TMEM59L: variants seen among roughly 807,000 people sequenced by gnomAD.
TMEM59L encodes the protein transmembrane protein 59 like.
In TMEM59L, 31 loss-of-function variants were observed where a neutral mutation model predicts 39.6. The observed-to-expected ratio is 0.78, with a 90% CI of 0.59 to 1.06. The LOEUF (loss-of-function observed/expected upper bound fraction) is 1.06, where lower values mean the gene tolerates loss of function less well. Among genes scored for constraint, TMEM59L ranks in the 50% least tolerant of loss-of-function variants. The pLI, the probability that TMEM59L is intolerant of heterozygous loss-of-function variation, is 0.00. For missense variants in TMEM59L, 441 were observed against 451.3 expected, an observed-to-expected ratio of 0.98 and a Z score of 0.21; for synonymous variants, 219 against 202.9, an observed-to-expected ratio of 1.08 and a Z score of -0.68.
chr19:18,616,061 G>A lies in TMEM59L; in HGVS notation c.495G>A (p.Gln165=). 2 of 1,614,156 alleles carry A rather than the reference G, an allele frequency of 1.2e-6. No individual in the cohort carries two copies. The highest frequency in any genetic ancestry group is 2.2e-5 in the South Asian group (2 of 91,084). The change falls in exon 4 of 8, where the codon CAG becomes CAA. Residue 165 remains glutamine (Q), a synonymous_variant. Coordinates refer to ENST00000262817, the MANE Select transcript of TMEM59L (RefSeq NM_012109.3). ...GCAATGACCTTGTCAACTCAGCCCAGGGATTTGTCTCCTCCACCTGGACAT... is the reference window on the plus strand; with the variant it reads ...GCAATGACCTTGTCAACTCAGCCCAAGGATTTGTCTCCTCCACCTGGACAT... ...TLCNDLVNSA[Q]GFVSSTWTYY...
rs765831156 is a variant in TMEM59L, at chr19:18,613,036, G to T, written c.78G>T (p.Pro26=). The change falls in exon 1 of 8, where the codon CCG becomes CCT. Residue 26 remains proline, a synonymous_variant. Transcript: ENST00000262817. The stretch of plus-strand genomic sequence containing the variant: ...CGTCGCCGCCCGCCGCCTCCGCGCC[G>T]TCCGCCCGCGATCCCTTCGCCCCCC... The part of the protein sequence containing the change: ...LLASPPAASA[P]SARDPFAPQL... The T allele has an allele frequency of 3.2e-4, 451 of 1,392,142 alleles. No homozygotes were observed. Among genetic ancestry groups the T allele is most frequent in the Non-Finnish European group, 3.8e-4 (409 of 1,075,038 alleles). 86.2% of individuals were successfully genotyped at this position (1,392,142 alleles called of 1,614,324 possible).
Position 18,620,642 on chromosome 19 carries a change from A to G in TMEM59L, c.*106A>G. On this transcript the variant is annotated 3_prime_UTR_variant, in exon 8 of 8. Coordinates refer to ENST00000262817, the MANE Select transcript of TMEM59L (RefSeq NM_012109.3). ...GGTGGGTCCAGCCTTGAGCCCCTCC[A>G]CCCCCAAATCCTTCCTCTCCTCCCA... 7.2e-7 allele frequency: 1 copy of G among 1,395,236 alleles called. No homozygotes were observed. The highest frequency in any genetic ancestry group is 1.6e-5 in the South Asian group (1 of 63,068). 86.4% of individuals were successfully genotyped at this position (1,395,236 alleles called of 1,614,324 possible). A position where few individuals can be genotyped will look rare whatever the true frequency, so the allele number is the denominator to read the frequency against.
At position 18,617,013 on chromosome 19, in the gene TMEM59L, T is replaced by C. The variant is rs1976434811; in HGVS notation, c.575T>C (p.Val192Ala). The C allele has an allele frequency of 1.2e-6, 2 of 1,611,194 alleles. No individual in the cohort carries two copies. The highest frequency in any genetic ancestry group is 1.3e-5 in the African/African-American group (1 of 74,876). The change falls in exon 5 of 8, where the codon GTG (valine) becomes GCG (alanine). Residue 192 changes from valine to alanine, a missense_variant. Val to Ala is a moderately conservative substitution (Grantham distance 64). Coordinates refer to ENST00000262817, the MANE Select transcript of TMEM59L (RefSeq NM_012109.3). ...KVVVFQTQPI[V>A]ESLGFQGGRL... ...TTCCTGGCCCAGACTCAGCCCATAG[T>C]GGAGAGCCTCGGCTTCCAGGGGGGC...
In TMEM59L at chr19:18,614,091, C is replaced by T. The variant is rs1568446183; in HGVS notation, c.317-13C>T. The T allele has an allele frequency of 6.2e-7, 1 of 1,612,372 alleles. No individual in the cohort carries two copies. The highest frequency in any genetic ancestry group is 8.5e-7 in the Non-Finnish European group (1 of 1,179,740). On this transcript the variant is annotated splice_polypyrimidine_tract_variant and intron_variant, in intron 2 of 7. Coordinates refer to ENST00000262817, the MANE Select transcript of TMEM59L (RefSeq NM_012109.3). ...AAGGGCCGTCCCCAGTCACCCGCTC[C>T]CACCTCCCACAGCCTGCGTGGAAGC...
chr19:18,619,555 A>G (rs1976470307), intron 7 of TMEM59L, among the ~76,000 whole-genome samples: 1 of 152,188 alleles, frequency 6.6e-6, no homozygotes, highest in South Asian at 2.1e-4. Context: ...CTGTAATCCC[A>G]GCACTTTGGG....
At position 18,618,990 on chromosome 19, in the gene TMEM59L, C is replaced by T. The variant is rs149684237; in HGVS notation, c.900+498C>T. Among the ~76,000 whole-genome samples the T allele has an allele frequency of 7.3e-3, 1,113 of 151,594 alleles. 8 individuals are homozygous for T. The highest frequency in any genetic ancestry group is 0.01 in the Non-Finnish European group (688 of 67,896). ...GATTACAGGCGTGACCCACCGCGCC[C>T]GGCCTATATATATATTTTTGAGACA... On this transcript the variant is annotated intron_variant, in intron 7 of 7. Transcript: ENST00000262817.
chr19:18,618,160 G>A lies in TMEM59L; in HGVS notation c.670G>A (p.Val224Ile), dbSNP rs1568447333. The A allele has an allele frequency of 7.4e-6, 12 of 1,613,760 alleles. No individual in the cohort carries two copies. Among genetic ancestry groups the A allele is most frequent in the Middle Eastern group, 1.6e-4 (1 of 6,062 alleles). ...PEALEVHVDP[V>I]GPLDKVRKAK... ...AGTGGCAGCTGATCTCTCAGACCCT[G>A]TAGGCCCCCTGGACAAGGTGAGGAA... The change falls in exon 6 of 8, where the codon GTA becomes ATA. Residue 224 changes from valine (V) to isoleucine (I), a missense_variant. By Grantham distance (29) the Val-to-Ile change is conservative. Transcript: ENST00000262817.
At chr19:18,613,411 C>A (rs1308031826) in intron 1 of TMEM59L, among the ~76,000 whole-genome samples, 1 of 151,982 alleles carries the variant, frequency 6.6e-6, no homozygotes, top group East Asian at 1.9e-4. Context: ...GCACCCAACC[C>A]CCAGCTCCCT....
Position 18,620,410 on chromosome 19 carries a change from T to C in TMEM59L, c.903T>C (p.Pro301=). The C allele has an allele frequency of 6.2e-7, 1 of 1,611,374 alleles. No homozygotes were observed. Among genetic ancestry groups the C allele is most frequent in the Non-Finnish European group, 8.5e-7 (1 of 1,179,020 alleles). Residue 301 remains proline, a splice_region_variant and synonymous_variant, in exon 8 of 8, where the codon CCT becomes CCC. Transcript: ENST00000262817. ...CCTCCTCCCCTCTCTTCCTGCAGCC[T>C]CTGACCCTGGAGCAGCACAAGGGCT... ...TAPGQHLKFQ[P]LTLEQHKGFM...
At chr19:18,615,909 C>A in intron 3 of TMEM59L, 66 bp from the exon 4 acceptor site, 1 of 1,565,704 alleles carries the variant, frequency 6.4e-7, no homozygotes, top group Non-Finnish European at 8.7e-7. Context: ...CATCCTGCCC[C>A]CTCCCATTCA....
Position 18,613,059 on chromosome 19 carries a change from C to A in TMEM59L, c.101C>A (p.Pro34His), listed in dbSNP as rs1452663152. ...CCGTCCGCCCGCGATCCCTTCGCCC[C>A]CCAGCTCGGGGACACGCAGAACTGC... ...SAPSARDPFAPQLGDTQNCQL... is the reference protein window; with the variant it reads ...SAPSARDPFAHQLGDTQNCQL... Residue 34 changes from proline to histidine, a missense_variant, in exon 1 of 8, where the codon CCC (proline) becomes CAC (histidine). Transcript: ENST00000262817. 1 of 1,385,648 alleles carries A rather than the reference C, an allele frequency of 7.2e-7. No individual in the cohort carries two copies. Among genetic ancestry groups the A allele is most frequent in the Non-Finnish European group, 9.3e-7 (1 of 1,072,030 alleles). 85.8% of individuals were successfully genotyped at this position (1,385,648 alleles called of 1,614,324 possible).
chr19:18,617,379 C>T (rs1323244223), intron 5 of TMEM59L: 6 of 552,716 alleles, frequency 1.1e-5, no homozygotes, highest in Non-Finnish European at 2.1e-5. Flanking sequence ...ATCCGTGGTC[C>T]ACCTCTCAGG....
Position 18,613,095 on chromosome 19 carries a change from G to GCCGCGA in TMEM59L, c.146_151dup (p.Arg49_Asp50dup), listed in dbSNP as rs1976388078. The GCCGCGA allele has an allele frequency of 1.5e-6, 2 of 1,324,740 alleles. No individual in the cohort carries two copies. The highest frequency in any genetic ancestry group is 3.1e-5 in the East Asian group (1 of 32,190). The allele number at this position is 1,324,740 out of a possible 1,614,324, so 82.1% of individuals were successfully genotyped here. On this transcript the variant is annotated inframe_insertion, in exon 1 of 8. Transcript: ENST00000262817. The stretch of plus-strand genomic sequence containing the variant: ...GACACGCAGAACTGCCAGCTGCGGT[G>GCCGCGA]CCGCGACCGCGACCTCGGCCCGCAG...
At position 18,620,803 on chromosome 19, in the gene TMEM59L, T is replaced by G. The variant is rs1976489250; in HGVS notation, c.*267T>G. On this transcript the variant is annotated 3_prime_UTR_variant, in exon 8 of 8. Transcript: ENST00000262817. ...TTTTGTCTTCTATTGTGTGGCTTTC[T>G]GAGTATTTGAACCCCAGTCCTGTGT... 1 of 332,760 alleles carries G rather than the reference T, an allele frequency of 3.0e-6. No homozygotes were observed. Among genetic ancestry groups the G allele is most frequent in the Non-Finnish European group, 5.6e-6 (1 of 180,146 alleles). The allele number at this position is 332,760 out of a possible 1,614,324, so 20.6% of individuals were successfully genotyped here. A position where few individuals can be genotyped will look rare whatever the true frequency, so the allele number is the denominator to read the frequency against.
At chr19:18,613,173 C>A (rs967612950) in intron 1 of TMEM59L, 44 bp downstream of exon 1, 1 of 1,257,768 alleles carries the variant, frequency 8.0e-7, no homozygotes, top group Non-Finnish European at 1.0e-6. Context: ...GACGCGGGAT[C>A]TCTCCGAAGG....
chr19:18,617,183 A>C (rs1417649794), intron 5 of TMEM59L, 81 bp downstream of exon 5: 1 of 1,043,600 alleles, frequency 9.6e-7, no homozygotes, highest in Non-Finnish European at 1.5e-6. Flanking sequence ...CAGACCTTCT[A>C]GGATCGGGAT....
chr19:18,618,804 C>T (rs1036480130), intron 7 of TMEM59L, among the ~76,000 whole-genome samples: 27 of 151,232 alleles, frequency 1.8e-4, no homozygotes, highest in African/African-American at 5.8e-4. Flanking sequence ...AAGCAATTCT[C>T]CTGCCTCAGC....
At position 18,617,236 on chromosome 19, in the gene TMEM59L, T is replaced by C. The variant is rs779825823; in HGVS notation, c.664+134T>C. ...TGGGTTCCATGGCTCATCCCCCAGG[T>C]CTCCATGGTCTATTTCCCAGGGTTC... On this transcript the variant is annotated intron_variant, in intron 5 of 7. Transcript: ENST00000262817. 1.2e-5 allele frequency: 9 copies of C among 721,828 alleles called. No individual in the cohort carries two copies. The Admixed American group carries it at 1.6e-4, about 13-fold the overall frequency. The allele number at this position is 721,828 out of a possible 1,614,324, so 44.7% of individuals were successfully genotyped here.
chr19:18,619,403 G>A (rs1185721550), intron 7 of TMEM59L, among the ~76,000 whole-genome samples: 1 of 152,226 alleles, frequency 6.6e-6, no homozygotes, highest in African/African-American at 2.4e-5. Flanking sequence ...CCACACTTCT[G>A]TGGTGTTGGC....
Sources: gnomAD v4.1 joint callset for allele counts (sites outside exome capture counted in the v4.1 genomes callset) on GRCh38, gnomAD v4.1.1 for gene constraint, MANE v1.5 for transcripts, NCBI Gene and HGNC (gene_info 2026-07-23, HGNC 2026-07-21) for gene names.